RASGEF1C: variants seen among roughly 807,000 people sequenced by gnomAD.
RASGEF1C encodes the protein RasGEF domain family member 1C, also known as ras-GEF domain-containing family member 1C.
Under a neutral mutation model 58.1 loss-of-function variants are expected in RASGEF1C, and 27 were observed. The ratio of observed to expected loss-of-function variants is 0.46; its 90% CI spans 0.34 to 0.64. RASGEF1C has a LOEUF of 0.64. Among genes scored for constraint, RASGEF1C ranks in the 30% least tolerant of loss-of-function variants. RASGEF1C has a pLI of 0.01. For missense variants in RASGEF1C, 502 were observed against 605.1 expected (o/e 0.83, Z 1.79); for synonymous variants, 243 against 246.3 (o/e 0.99, Z 0.13).
intron 1 of RASGEF1C, among the ~76,000 whole-genome samples, chr5:180,153,851 C>CT (rs1477346142): frequency 6.6e-6 from 1 of 152,192 alleles, no homozygotes; most frequent in African/African-American, 2.4e-5. Context: ...TGCTCTATCT[C>CT]TCCATCAGGG....
chr5:180,207,645 C>G (rs1440974403), intron 1 of RASGEF1C, among the ~76,000 whole-genome samples: 2 of 65,406 alleles, frequency 3.1e-5, no homozygotes, highest in African/African-American at 9.3e-5. Context: ...CCCTCCCTCT[C>G]CTGCCCCGGC....
chr5:180,205,714 A>ATT (rs1756475129), intron 1 of RASGEF1C, among the ~76,000 whole-genome samples: 2 of 68,230 alleles, frequency 2.9e-5, no homozygotes, highest in African/African-American at 7.4e-5. Flanking sequence ...CCATTATTAT[A>ATT]ATATTATTAT....
intron 11 of RASGEF1C, among the ~76,000 whole-genome samples, chr5:180,112,402 G>C (rs1308316950): frequency 6.6e-6 from 1 of 152,230 alleles, no homozygotes; most frequent in Non-Finnish European, 1.5e-5. Context: ...GTGGTTCCCA[G>C]CTGCAGGGGA....
chr5:180,178,382 C>T (rs1343645703), intron 1 of RASGEF1C, among the ~76,000 whole-genome samples: 2 of 140,266 alleles, frequency 1.4e-5, no homozygotes, highest in Non-Finnish European at 3.0e-5. Flanking sequence ...TGGATTCAAG[C>T]AATTCTCCTG....
chr5:180,159,100 C>T (rs1018736622), intron 1 of RASGEF1C, among the ~76,000 whole-genome samples: 14 of 151,202 alleles, frequency 9.3e-5, no homozygotes, highest in Non-Finnish European at 1.8e-4. Context: ...CTTCTCTTAC[C>T]TCTCTGAGAA....
intron 4 of RASGEF1C, among the ~76,000 whole-genome samples, chr5:180,131,099 C>T (rs1766358761): frequency 1.3e-5 from 2 of 152,222 alleles, no homozygotes; most frequent in South Asian, 4.1e-4. Context: ...CTCTGCTGCA[C>T]TGGCCTTCTT....
chr5:180,114,648 C>T (rs765216474), intron 10 of RASGEF1C, 107 bp from the exon 11 acceptor site: 132 of 1,066,252 alleles, frequency 1.2e-4, no homozygotes, highest in Non-Finnish European at 1.7e-4. Context: ...ACCTCAGACC[C>T]GACCCCAGGG....
intron 1 of RASGEF1C, among the ~76,000 whole-genome samples, chr5:180,181,709 C>CA (rs1160236533): frequency 6.6e-5 from 10 of 152,186 alleles, no homozygotes; most frequent in African/African-American, 2.4e-4. Context: ...TCCAGAACTC[C>CA]AAATGAGAGA....
intron 7 of RASGEF1C, among the ~76,000 whole-genome samples, chr5:180,120,324 C>T (rs1766146080): frequency 6.6e-6 from 1 of 152,220 alleles, no homozygotes; most frequent in Non-Finnish European, 1.5e-5. Context: ...GAGGCCAACT[C>T]CTGTGTCCAT....
At chr5:180,174,618 CTGTG>C (rs71001081) in intron 1 of RASGEF1C, among the ~76,000 whole-genome samples, 30 of 12,678 alleles carry the variant, frequency 2.4e-3, no homozygotes, top group African/African-American at 5.6e-3. Flanking sequence ...ATGTGTGTGT[CTGTG>C]TGTGTGTGTG....
At position 180,179,921 on chromosome 5, in the gene RASGEF1C, C is replaced by T. The variant is rs369123713; in HGVS notation, c.-7+29107G>A. On this transcript the variant is annotated intron_variant, in intron 1 of 13. Coordinates refer to ENST00000361132, the MANE Select transcript of RASGEF1C (RefSeq NM_175062.4). The stretch of plus-strand genomic sequence containing the variant: ...TACCCTCTCTACATTCCTGGCTTTG[C>T]GTCCGTCAACGAGTTTTTATTACTT... 5.8e-4 allele frequency among the ~76,000 whole-genome samples: 88 copies of T among 152,226 alleles called. No individual in the cohort carries two copies. The Middle Eastern group carries it at 0.01, about 18-fold the overall frequency.
intron 12 of RASGEF1C, among the ~76,000 whole-genome samples, chr5:180,103,102 A>G (rs555125334): frequency 2.4e-3 from 363 of 152,094 alleles, no homozygotes; most frequent in Middle Eastern, 0.01. Flanking sequence ...TTTGAGACAG[A>G]AGTCTCGCTC....
At chr5:180,103,226 C>T (rs1268920645) in intron 12 of RASGEF1C, among the ~76,000 whole-genome samples, 4 of 152,150 alleles carry the variant, frequency 2.6e-5, no homozygotes, top group South Asian at 2.1e-4. Flanking sequence ...TACAGGTACC[C>T]ACCACCACGC....
intron 1 of RASGEF1C, among the ~76,000 whole-genome samples, chr5:180,180,689 C>T (rs538624669): frequency 6.6e-6 from 1 of 152,366 alleles, no homozygotes; most frequent in South Asian, 2.1e-4. Context: ...GTGCCTCCAG[C>T]TTCTCTTTTC....
chr5:180,195,795 CAACA>C (rs1033486823), intron 1 of RASGEF1C, among the ~76,000 whole-genome samples: 2 of 151,708 alleles, frequency 1.3e-5, no homozygotes, highest in African/African-American at 4.8e-5. Context: ...AAGAAAAGCA[CAACA>C]AACAGATACC....
rs185526322 is a variant in RASGEF1C, at chr5:180,158,498, C to G, written c.-6-20440G>C. 1.3e-5 allele frequency among the ~76,000 whole-genome samples: 2 copies of G among 152,306 alleles called. No individual in the cohort carries two copies. The highest frequency in any genetic ancestry group is 3.9e-4 in the East Asian group (2 of 5,186). ...TTCAGCAAGGCATAGAATTCTAGATCTGTGCTCGTTTGTCTTCACAATTTT... is the reference window on the plus strand; with the variant it reads ...TTCAGCAAGGCATAGAATTCTAGATGTGTGCTCGTTTGTCTTCACAATTTT... On this transcript the variant is annotated intron_variant, in intron 1 of 13. Transcript: ENST00000361132. This position sits in a 1 kb window ranked among gnomAD's most constrained non-coding sequence, Gnocchi z 4.0.
chr5:180,169,452 G>A (rs990829753), intron 1 of RASGEF1C, among the ~76,000 whole-genome samples: 3 of 152,112 alleles, frequency 2.0e-5, no homozygotes, highest in Non-Finnish European at 4.4e-5. Context: ...GCAGTGGTTG[G>A]GGGCAGGGGC....
chr5:180,190,067 G>C (rs976288665), intron 1 of RASGEF1C, among the ~76,000 whole-genome samples: 2 of 151,484 alleles, frequency 1.3e-5, no homozygotes, highest in African/African-American at 4.9e-5. Flanking sequence ...CTGATCACAG[G>C]GCCAGGCGCA....
chr5:180,161,421 C>CCG (rs1766942080), intron 1 of RASGEF1C, among the ~76,000 whole-genome samples: 1 of 152,192 alleles, frequency 6.6e-6, no homozygotes, highest in Non-Finnish European at 1.5e-5. Context: ...TGCGGCAGCC[C>CCG]CGGCGACACG....
Sources: gnomAD v4.1 joint callset for allele counts (sites outside exome capture counted in the v4.1 genomes callset) on GRCh38, gnomAD v4.1.1 for gene constraint, Gnocchi (gnomAD v3.1) non-coding constraint, MANE v1.5 for transcripts, NCBI Gene and HGNC (gene_info 2026-07-23, HGNC 2026-07-21) for gene names.